The following ASB4 variants were observed in gnomAD, a reference collection of about 807,000 sequenced individuals.
The protein encoded by ASB4 is ankyrin repeat and SOCS box containing 4.
A neutral mutation model predicts 38.6 loss-of-function variants in ASB4; 35 were observed. That is an observed-to-expected ratio of 0.91 (90% CI 0.69 to 1.20). ASB4 has a LOEUF of 1.20. ASB4 is among the 50% of genes most tolerant of loss of function. The pLI is 0.00. For missense variants in ASB4, 557 were observed against 527.2 expected, an observed-to-expected ratio of 1.06 and a Z score of -0.55; for synonymous variants, 195 against 201.3, an observed-to-expected ratio of 0.97 and a Z score of 0.26.
chr7:95,495,907 G>C lies in ASB4; in HGVS notation c.337G>C (p.Val113Leu), dbSNP rs762395018. ...CRPNGKTPLH[V>L]ACEMANVDCV... ...ACCCAATGGGAAAACCCCTCTTCACGTGGCTTGTGAAATGGCCAATGTGGA... is the reference window on the plus strand; with the variant it reads ...ACCCAATGGGAAAACCCCTCTTCACCTGGCTTGTGAAATGGCCAATGTGGA... The change falls in exon 2 of 5, where the codon GTG (valine) becomes CTG (leucine). Residue 113 changes from valine to leucine, a missense_variant. By Grantham distance (32) the Val-to-Leu change is conservative (BLOSUM62 1). Transcript: ENST00000325885. 1.2e-6 allele frequency: 2 copies of C among 1,614,092 alleles called. No individual in the cohort carries two copies. The highest frequency in any genetic ancestry group is 1.7e-6 in the Non-Finnish European group (2 of 1,180,006).
chr7:95,530,050 C>A (rs1790796999), intron 3 of ASB4, among the ~76,000 whole-genome samples: 1 of 119,242 alleles, frequency 8.4e-6, no homozygotes, highest in African/African-American at 3.1e-5. Context: ...ACAAACAAAA[C>A]AACAACCAAA....
Position 95,525,182 on chromosome 7 carries a change from C to T in ASB4, c.488-2631C>T, listed in dbSNP as rs538631540. On this transcript the variant is annotated intron_variant, in intron 2 of 4. Coordinates refer to ENST00000325885, the MANE Select transcript of ASB4 (RefSeq NM_016116.3). ...GTAGGAGAGAGGTCTGAGGCAGATT[C>T]TCCTCCAAAGTCTCTGGAAGAAACC... is the stretch of plus-strand genomic sequence containing the variant. Among the ~76,000 whole-genome samples the T allele has an allele frequency of 8.5e-5, 13 of 152,300 alleles. No individual in the cohort carries two copies. In the South Asian group the frequency reaches 2.7e-3, roughly 32 times the overall value.
chr7:95,474,218 C>T (rs1476241294), upstream of ASB4, among the ~76,000 whole-genome samples: 2 of 152,154 alleles, frequency 1.3e-5, no homozygotes, highest in Admixed American at 6.5e-5. Flanking sequence ...TTTTCTTGAA[C>T]ATTCAGTTTA....
chr7:95,487,951 TTGAAACACA>T (rs1368080322), intron 1 of ASB4, among the ~76,000 whole-genome samples: 22 of 152,080 alleles, frequency 1.4e-4, no homozygotes, highest in African/African-American at 5.3e-4. Context: ...AGAAACACAC[TTGAAACACA>T]CTTCTCCACT....
intron 2 of ASB4, among the ~76,000 whole-genome samples, chr7:95,524,758 A>T (rs1790714032): frequency 6.6e-6 from 1 of 152,210 alleles, no homozygotes; most frequent in Non-Finnish European, 1.5e-5. Context: ...ATGTGGAGAC[A>T]CAAATGAGAC....
chr7:95,496,697 A>C lies in ASB4; in HGVS notation c.487+640A>C, dbSNP rs116518491. On this transcript the variant is annotated intron_variant, in intron 2 of 4. Coordinates refer to ENST00000325885, the MANE Select transcript of ASB4 (RefSeq NM_016116.3). Reference sequence around the variant, plus strand: ...CCCCATCTCTACAAAAAGCAAAAAAAATTAGCCGGGCATGGTGGCATGCAC... The same window carrying C: ...CCCCATCTCTACAAAAAGCAAAAAACATTAGCCGGGCATGGTGGCATGCAC... Among the ~76,000 whole-genome samples the C allele has an allele frequency of 5.6e-3, 847 of 152,186 alleles. 10 individuals are homozygous for C. Among genetic ancestry groups the C allele is most frequent in the African/African-American group, 0.019 (787 of 41,524 alleles).
chr7:95,536,577 T>G (rs766087379), intron 4 of ASB4, 27 bp downstream of exon 4: 140 of 1,524,242 alleles, frequency 9.2e-5, no homozygotes, highest in Middle Eastern at 1.7e-4. Flanking sequence ...CTTCTAATAG[T>G]TTTCACTATC....
chr7:95,541,127 A>T (rs1562825168), downstream of ASB4, among the ~76,000 whole-genome samples: 1 of 152,094 alleles, frequency 6.6e-6, no homozygotes, highest in Non-Finnish European at 1.5e-5. Context: ...AGGTGTTTGG[A>T]GGTTTGGCTC....
chr7:95,533,883 G>C (rs62467697), intron 3 of ASB4, among the ~76,000 whole-genome samples: 1 of 151,922 alleles, frequency 6.6e-6, no homozygotes, highest in African/African-American at 2.4e-5. Flanking sequence ...TTCCTCTCTC[G>C]TGCCTATTAG....
chr7:95,480,613 AC>A (rs2116566675), intron 1 of ASB4, among the ~76,000 whole-genome samples: 1 of 152,324 alleles, frequency 6.6e-6, no homozygotes, highest in South Asian at 2.1e-4. Context: ...AACTACATGG[AC>A]ACAAACCACA....
chr7:95,470,901 A>G, the ASB4 span, among the ~76,000 whole-genome samples: 1 of 152,218 alleles, frequency 6.6e-6, no homozygotes, highest in South Asian at 2.1e-4. Flanking sequence ...AGAAATTAAC[A>G]TAATAACTCT....
chr7:95,490,330 C>A (rs1790153454), intron 1 of ASB4, among the ~76,000 whole-genome samples: 2 of 152,198 alleles, frequency 1.3e-5, no homozygotes, highest in South Asian at 2.1e-4. Flanking sequence ...TCCTAGGGTT[C>A]TTTTCCTTTC....
intron 2 of ASB4, chr7:95,496,316 A>G (rs775104111): frequency 2.7e-6 from 1 of 374,740 alleles, no homozygotes; most frequent in East Asian, 4.1e-5. Flanking sequence ...CCTATTATGC[A>G]TCAGGTAATG....
the ASB4 span, among the ~76,000 whole-genome samples, chr7:95,551,264 A>T: frequency 6.6e-6 from 1 of 152,214 alleles, no homozygotes; most frequent in Non-Finnish European, 1.5e-5. Flanking sequence ...TACAAGCATG[A>T]GCCACTGCGC....
chr7:95,505,702 T>C (rs1275674684), intron 2 of ASB4, among the ~76,000 whole-genome samples: 1 of 121,274 alleles, frequency 8.2e-6, no homozygotes, highest in Admixed American at 9.0e-5. Flanking sequence ...CCCCCCCAAA[T>C]ACTTATTCAT....
chr7:95,513,539 G>A (rs571333254), intron 2 of ASB4, among the ~76,000 whole-genome samples: 1 of 152,040 alleles, frequency 6.6e-6, no homozygotes, highest in Non-Finnish European at 1.5e-5. Flanking sequence ...CCCACATTAA[G>A]GAGAACAATC....
chr7:95,502,873 C>T (rs1790360787), intron 2 of ASB4, among the ~76,000 whole-genome samples: 1 of 151,928 alleles, frequency 6.6e-6, no homozygotes, highest in Admixed American at 6.6e-5. Flanking sequence ...CCTATTTGCC[C>T]TCAGAGAGTC....
chr7:95,524,800 C>T (rs909408598), intron 2 of ASB4, among the ~76,000 whole-genome samples: 4 of 152,188 alleles, frequency 2.6e-5, no homozygotes, highest in African/African-American at 9.7e-5. Context: ...CAGAGACCCT[C>T]TAACCAGCCT....
upstream of ASB4, chr7:95,485,920 C>T (rs374971595): frequency 1.2e-5 from 19 of 1,533,512 alleles, no homozygotes; most frequent in Admixed American, 3.8e-5. Context: ...CCTGTTTGCT[C>T]GGTGCTGTTC....
Sources: allele counts gnomAD v4.1 joint callset (sites outside exome capture counted in the v4.1 genomes callset), GRCh38; gene constraint gnomAD v4.1.1; transcripts MANE v1.5; gene names NCBI Gene and HGNC (gene_info 2026-07-23, HGNC 2026-07-21).